TMEM39B: variants seen among roughly 807,000 people sequenced by gnomAD.
The protein encoded by TMEM39B is transmembrane protein 39B.
Under a neutral mutation model 52.2 loss-of-function variants are expected in TMEM39B, and 23 were observed. The ratio of observed to expected loss-of-function variants is 0.44; its 90% CI spans 0.32 to 0.62. The LOEUF is 0.62. Among genes scored for constraint, TMEM39B ranks in the 20% least tolerant of loss-of-function variants. The pLI, the probability that TMEM39B is intolerant of heterozygous loss-of-function variation, is 0.06. For missense variants in TMEM39B, 547 were observed against 642.0 expected, an observed-to-expected ratio of 0.85 and a Z score of 1.60; for synonymous variants, 285 against 264.0, an observed-to-expected ratio of 1.08 and a Z score of -0.77.
At chr1:32,078,096 C>G (rs1218316398) in intron 5 of TMEM39B, among the ~76,000 whole-genome samples, 2 of 152,140 alleles carry the variant, frequency 1.3e-5, no homozygotes, top group Non-Finnish European at 2.9e-5. Flanking sequence ...AGCTTCAGAG[C>G]TGGCACCTCC....
chr1:32,074,877 C>A, intron 1 of TMEM39B, 74 bp from the exon 2 acceptor site: 1 of 1,466,878 alleles, frequency 6.8e-7, no homozygotes, highest in South Asian at 1.3e-5. Context: ...AGGTGACTGG[C>A]AGCTGGTATC....
chr1:32,091,578 G>A, intron 5 of TMEM39B, 97 bp from the exon 6 acceptor site: 1 of 1,388,878 alleles, frequency 7.2e-7, no homozygotes, highest in Non-Finnish European at 9.7e-7. Flanking sequence ...AGCCAGGAGA[G>A]CTGAGGCCCA....
intron 5 of TMEM39B, among the ~76,000 whole-genome samples, chr1:32,088,288 G>A (rs1324163547): frequency 1.3e-5 from 2 of 150,696 alleles, no homozygotes; most frequent in African/African-American, 4.9e-5. Flanking sequence ...ATAGTGGCGG[G>A]CGCCTGTAGT....
intron 1 of TMEM39B, chr1:32,073,413 A>C: frequency 2.7e-6 from 1 of 366,974 alleles, no homozygotes; most frequent in Non-Finnish European, 3.7e-6. Flanking sequence ...TCTGGGTTGG[A>C]GGGGTTACAC....
chr1:32,079,446 A>C (rs1276782615), intron 5 of TMEM39B, among the ~76,000 whole-genome samples: 3 of 151,842 alleles, frequency 2.0e-5, no homozygotes, highest in Non-Finnish European at 4.4e-5. Context: ...GGCCTCCCAA[A>C]GTGCTGGGAT....
chr1:32,093,130 G>T (rs1253088920), intron 6 of TMEM39B, among the ~76,000 whole-genome samples: 1 of 151,758 alleles, frequency 6.6e-6, no homozygotes, highest in Admixed American at 6.6e-5. Flanking sequence ...ACGGAGTCTC[G>T]CTCTGTCGCC....
intron 5 of TMEM39B, chr1:32,087,008 G>A (rs879488715): frequency 2.0e-5 from 3 of 152,166 alleles, no homozygotes; most frequent in African/African-American, 4.8e-5. Flanking sequence ...GACTACAGGT[G>A]TGTGCCAGCA....
At position 32,100,520 on chromosome 1, in the gene TMEM39B, C is replaced by CA. The variant is rs1174474897; in HGVS notation, c.1196dup (p.Asn399LysfsTer7). On this transcript the variant is annotated frameshift_variant, in exon 8 of 9. Coordinates refer to ENST00000336294, the MANE Select transcript of TMEM39B (RefSeq NM_018056.4). LOFTEE classifies it high-confidence loss of function. ...ACGTCTACAAAGCCGTAGGCCACTA[C>CA]AACGTGGCTATCCCCTCTGACGTCT... 1.9e-6 allele frequency: 3 copies of CA among 1,613,986 alleles called. No homozygotes were observed.
intron 6 of TMEM39B, 39 bp downstream of exon 6, chr1:32,092,050 G>A: frequency 6.3e-7 from 1 of 1,581,614 alleles, no homozygotes. Context: ...GGACTAGCTG[G>A]GACTTTACCC....
chr1:32,077,801 T>A (rs561082658), intron 5 of TMEM39B, among the ~76,000 whole-genome samples: 3 of 152,166 alleles, frequency 2.0e-5, no homozygotes, highest in Non-Finnish European at 4.4e-5. Flanking sequence ...GCATGAAGCA[T>A]GTGTGTGTGC....
Position 32,102,829 on chromosome 1 carries a change from T to G in TMEM39B, c.*156T>G, listed in dbSNP as rs1641071566. 14 of 882,502 alleles carry G rather than the reference T, an allele frequency of 1.6e-5. No homozygotes were observed. In the South Asian group the frequency reaches 4.8e-4, roughly 30 times the overall value. The allele number at this position is 882,502 out of a possible 1,614,324, so 54.7% of individuals were successfully genotyped here. A position where few individuals can be genotyped will look rare whatever the true frequency, so the allele number is the denominator to read the frequency against. ...CGTACTGTTTCTTTGATAATTGATGTGATAAGGAAAAAAGTCCTATTTTTA... is the reference window on the plus strand; with the variant it reads ...CGTACTGTTTCTTTGATAATTGATGGGATAAGGAAAAAAGTCCTATTTTTA... On this transcript the variant is annotated 3_prime_UTR_variant, in exon 9 of 9. Transcript: ENST00000336294.
chr1:32,074,840 G>A (rs958250595), intron 1 of TMEM39B, 111 bp from the exon 2 acceptor site: 20 of 1,322,686 alleles, frequency 1.5e-5, no homozygotes, highest in South Asian at 1.5e-5. Context: ...AGGTCTCAGT[G>A]AGGATTAAAT....
chr1:32,091,764 A>G lies in TMEM39B; in HGVS notation c.680A>G (p.Glu227Gly), dbSNP rs1271996181. ...FNHMASMGPR[E>G]AVSGLAKSRD... ...CACATGGCCTCCATGGGGCCCCGGGAGGCGGTCAGTGGCCTGGCAAAGAGC... is the reference window on the plus strand; with the variant it reads ...CACATGGCCTCCATGGGGCCCCGGGGGGCGGTCAGTGGCCTGGCAAAGAGC... The change falls in exon 6 of 9, where the codon GAG becomes GGG. Residue 227 changes from glutamate (E) to glycine (G), a missense_variant. Transcript: ENST00000336294. 3.1e-6 allele frequency: 5 copies of G among 1,614,028 alleles called. No individual in the cohort carries two copies. Among genetic ancestry groups the G allele is most frequent in the Non-Finnish European group, 4.2e-6 (5 of 1,180,030 alleles).
At chr1:32,088,963 G>A (rs149407954) in intron 5 of TMEM39B, among the ~76,000 whole-genome samples, 8 of 152,072 alleles carry the variant, frequency 5.3e-5, no homozygotes, top group African/African-American at 1.9e-4. Context: ...TATGCTAAGG[G>A]TTGTTGTAGG....
chr1:32,101,442 T>A (rs749331957), intron 8 of TMEM39B, among the ~76,000 whole-genome samples: 47 of 151,086 alleles, frequency 3.1e-4, no homozygotes, highest in South Asian at 6.3e-4. Context: ...CCCCCTTTTT[T>A]AAAAAAAACA....
At position 32,098,090 on chromosome 1, in the gene TMEM39B, G is replaced by A. The variant is rs536990383; in HGVS notation, c.1116-2352G>A. ...TGGCTCACTGCAACCTCCACCTTCC[G>A]GGTTCAAGCGATTCTCCTGCCTCAG... On this transcript the variant is annotated intron_variant, in intron 7 of 8. Coordinates refer to ENST00000336294, the MANE Select transcript of TMEM39B (RefSeq NM_018056.4). Among the ~76,000 whole-genome samples the A allele has an allele frequency of 2.3e-4, 35 of 151,858 alleles. No individual in the cohort carries two copies. In the South Asian group the frequency reaches 4.6e-3, roughly 20 times the overall value.
chr1:32,098,815 G>T lies in TMEM39B; in HGVS notation c.1116-1627G>T, dbSNP rs535992716. 2.0e-5 allele frequency among the ~76,000 whole-genome samples: 3 copies of T among 152,324 alleles called. No individual in the cohort carries two copies. In the East Asian group the frequency reaches 5.8e-4, roughly 29 times the overall value. ...AGGGCCTCTCTGTGCCAGGCCTTGC[G>T]GCATGCTCTGAGGACACAGGGATGG... On this transcript the variant is annotated intron_variant, in intron 7 of 8. Transcript: ENST00000336294.
Position 32,073,011 on chromosome 1 carries a change from G to A in TMEM39B, c.-37G>A, listed in dbSNP as rs2124414988. The A allele has an allele frequency of 1.3e-6, 2 of 1,532,704 alleles. No homozygotes were observed. Among genetic ancestry groups the A allele is most frequent in the Non-Finnish European group, 1.8e-6 (2 of 1,138,004 alleles). The allele number at this position is 1,532,704 out of a possible 1,614,324, so 94.9% of individuals were successfully genotyped here. A position where few individuals can be genotyped will look rare whatever the true frequency, so the allele number is the denominator to read the frequency against. On this transcript the variant is annotated 5_prime_UTR_variant, in exon 1 of 9. Transcript: ENST00000336294. ...CGCCTCCGACATATTGCCCGCAGGA[G>A]CTGCGGCGGCGAAGCGGAGAGCACC...
intron 5 of TMEM39B, among the ~76,000 whole-genome samples, chr1:32,082,037 G>A (rs1640120151): frequency 6.6e-6 from 1 of 152,116 alleles, no homozygotes; most frequent in Non-Finnish European, 1.5e-5. Flanking sequence ...ACTGTTCCCA[G>A]TAATTGATAG....
Sources: allele counts gnomAD v4.1 joint callset (sites outside exome capture counted in the v4.1 genomes callset), GRCh38; gene constraint gnomAD v4.1.1; transcripts MANE v1.5; gene names NCBI Gene and HGNC (gene_info 2026-07-23, HGNC 2026-07-21).